Variants in ULK4 observed in about 807,000 individuals in gnomAD.
ULK4 encodes unc-51 like kinase 4, also known as inactive serine/threonine-protein kinase ULK4.
ULK4 carries 133 observed loss-of-function variants against 160.6 expected under a neutral mutation model. That is an observed-to-expected ratio of 0.83 (90% CI 0.72 to 0.96). ULK4 has a LOEUF of 0.96. Among genes scored for constraint, ULK4 ranks in the 40% least tolerant of loss-of-function variants. The probability of loss-of-function intolerance (pLI) is 0.00; values close to 1 mark genes in which losing one functional copy is unlikely to be tolerated. For synonymous variants in ULK4, 534 were observed against 539.8 expected, an observed-to-expected ratio of 0.99 and a Z score of 0.15; for missense variants, 1,580 against 1,499.5, an observed-to-expected ratio of 1.05 and a Z score of -0.89.
At chr3:41,731,919 G>A (rs2037838864) in intron 22 of ULK4, among the ~76,000 whole-genome samples, 2 of 152,004 alleles carry the variant, frequency 1.3e-5, no homozygotes, top group Non-Finnish European at 1.5e-5. Context: ...TGGGAAAACT[G>A]GATATCCACA....
At chr3:41,721,356 ATATATATTTTT>A (rs1376721601) in intron 22 of ULK4, among the ~76,000 whole-genome samples, 3 of 61,640 alleles carry the variant, frequency 4.9e-5, no homozygotes, top group African/African-American at 8.8e-5. Context: ...ATATATATAT[ATATATATTTTT>A]TTTTTTTTTT....
intron 32 of ULK4, among the ~76,000 whole-genome samples, chr3:41,510,111 A>G (rs772848876): frequency 2.0e-5 from 3 of 152,222 alleles, no homozygotes; most frequent in Non-Finnish European, 2.9e-5. Flanking sequence ...GAACTCACAT[A>G]AACTTAAGAT....
intron 35 of ULK4, among the ~76,000 whole-genome samples, chr3:41,343,629 G>A (rs2080735950): frequency 6.6e-6 from 1 of 152,090 alleles, no homozygotes; most frequent in Non-Finnish European, 1.5e-5. Flanking sequence ...AACTTCTTAA[G>A]TTGATAAGCA....
chr3:41,842,452 G>A (rs1278747022), intron 17 of ULK4, among the ~76,000 whole-genome samples: 1 of 152,248 alleles, frequency 6.6e-6, no homozygotes, highest in Non-Finnish European at 1.5e-5. Flanking sequence ...GATCCCCAGT[G>A]TTGGACGTGG....
intron 21 of ULK4, among the ~76,000 whole-genome samples, chr3:41,780,225 T>C (rs971900708): frequency 9.2e-5 from 14 of 151,868 alleles, no homozygotes; most frequent in African/African-American, 3.1e-4. Flanking sequence ...GAAAGACAGC[T>C]TGAGCCCAGG....
chr3:41,259,377 A>G lies in ULK4; in HGVS notation c.3679-9803T>C, dbSNP rs1054815265. ...CTGGATTTCAGCTTCCCCAAATACA[A>G]ACTAGCAAGTGGAGCCATCCTATGC... On this transcript the variant is annotated intron_variant, in intron 35 of 36. Transcript: ENST00000301831. Among the ~76,000 whole-genome samples, 4 of 152,308 alleles carry G rather than the reference A, an allele frequency of 2.6e-5. No individual in the cohort carries two copies. The East Asian group carries it at 7.7e-4, about 29-fold the overall frequency.
intron 19 of ULK4, 105 bp downstream of exon 19, chr3:41,819,318 C>G: frequency 9.7e-7 from 1 of 1,034,550 alleles, no homozygotes; most frequent in Non-Finnish European, 1.4e-6. Context: ...AGGAGCAATA[C>G]TTGGTTGACA....
At chr3:41,756,191 C>T (rs568985670) in intron 21 of ULK4, among the ~76,000 whole-genome samples, 31 of 152,152 alleles carry the variant, frequency 2.0e-4, no homozygotes, top group Non-Finnish European at 3.7e-4. Flanking sequence ...CTTTCTCCCA[C>T]GCCCAATTAA....
intron 31 of ULK4, among the ~76,000 whole-genome samples, chr3:41,601,345 G>C (rs943920859): frequency 6.6e-6 from 1 of 152,178 alleles, no homozygotes; most frequent in Admixed American, 6.5e-5. Context: ...AAAACTGTCA[G>C]AGAATAAATG....
chr3:41,795,281 T>C (rs542851506), intron 20 of ULK4, among the ~76,000 whole-genome samples: 11 of 152,294 alleles, frequency 7.2e-5, no homozygotes, highest in African/African-American at 2.6e-4. Flanking sequence ...TTTGTTAAGA[T>C]TATGATGTTA....
At chr3:41,846,400 G>A (rs938619347) in intron 17 of ULK4, among the ~76,000 whole-genome samples, 1 of 152,104 alleles carries the variant, frequency 6.6e-6, no homozygotes, top group Non-Finnish European at 1.5e-5. Context: ...AATAGATTTA[G>A]CTCTTCAAAC....
intron 27 of ULK4, among the ~76,000 whole-genome samples, chr3:41,700,369 G>T (rs1456352572): frequency 1.3e-5 from 2 of 152,114 alleles, no homozygotes; most frequent in African/African-American, 4.8e-5. Flanking sequence ...ACCTTACACA[G>T]AAATGGGCAC....
intron 33 of ULK4, among the ~76,000 whole-genome samples, chr3:41,458,121 C>A (rs2083597275): frequency 6.6e-6 from 1 of 152,068 alleles, no homozygotes; most frequent in African/African-American, 2.4e-5. Context: ...CTGAGTTCAG[C>A]TTTGGTCTAT....
chr3:41,543,902 A>G (rs1256444011), intron 32 of ULK4, among the ~76,000 whole-genome samples: 1 of 152,050 alleles, frequency 6.6e-6, no homozygotes, highest in Non-Finnish European at 1.5e-5. Flanking sequence ...TCTTTATATT[A>G]TCTACTTGAT....
intron 35 of ULK4, among the ~76,000 whole-genome samples, chr3:41,275,496 C>G (rs2079214310): frequency 6.6e-6 from 1 of 152,164 alleles, no homozygotes; most frequent in Non-Finnish European, 1.5e-5. Context: ...ATCAAAGCCT[C>G]TGTTCATCCT....
intron 2 of ULK4, among the ~76,000 whole-genome samples, chr3:41,945,117 CCT>C (rs1327936778): frequency 2.0e-5 from 3 of 152,270 alleles, no homozygotes; most frequent in South Asian, 2.1e-4. Flanking sequence ...AGCACTGGCC[CCT>C]GTCTCCATCA....
intron 1 of ULK4, among the ~76,000 whole-genome samples, chr3:41,958,119 T>TACCATATTTAATTCTTTAATA (rs1384230322): frequency 6.6e-6 from 1 of 151,746 alleles, no homozygotes. Flanking sequence ...TATGGGTATA[T>TACCATATTTAATTCTTTAATA]TAAAGAATTA....
intron 31 of ULK4, among the ~76,000 whole-genome samples, chr3:41,595,827 G>C (rs1278002968): frequency 6.6e-6 from 1 of 152,224 alleles, no homozygotes; most frequent in African/African-American, 2.4e-5. Context: ...CTACTAAGTA[G>C]CTGAGGGAAT....
rs545851435 is a variant in ULK4 at position 41,856,937 on chromosome 3, A to G, written c.1657-20966T>C. 4.6e-5 allele frequency among the ~76,000 whole-genome samples: 7 copies of G among 152,044 alleles called. No homozygotes were observed. The East Asian group carries it at 1.4e-3, about 29-fold the overall frequency. On this transcript the variant is annotated intron_variant, in intron 17 of 36. Coordinates refer to ENST00000301831, the MANE Select transcript of ULK4 (RefSeq NM_017886.4). ...CAAAACAAAACAAAAGACTAAGCCA[A>G]TTAGTCTTCTAATTGCTTCTCTTCA...
Sources: gnomAD v4.1 joint callset for allele counts (sites outside exome capture counted in the v4.1 genomes callset) on GRCh38, gnomAD v4.1.1 for gene constraint, MANE v1.5 for transcripts, NCBI Gene and HGNC (gene_info 2026-07-23, HGNC 2026-07-21) for gene names.